Variants in NLRP5 observed in about 807,000 individuals in gnomAD.
NLRP5 encodes the protein NACHT, LRR and PYD domains-containing protein 5.
NLRP5 carries 93 observed loss-of-function variants against 113.1 expected under a neutral mutation model. The observed-to-expected ratio is 0.82, with a 90% CI of 0.70 to 0.98. The LOEUF (loss-of-function observed/expected upper bound fraction) is 0.98. Ranked by LOEUF, NLRP5 falls within the 50% of genes least tolerant of loss-of-function variation. The pLI is 0.00. For synonymous variants in NLRP5, 751 were observed against 600.7 expected (o/e 1.25, Z -3.66); for missense variants, 1,808 against 1,514.3 (o/e 1.19, Z -3.22).
intron 6 of NLRP5, among the ~76,000 whole-genome samples, chr19:56,024,420 GT>G (rs1555766885): frequency 1.2e-4 from 14 of 116,746 alleles, no homozygotes; most frequent in South Asian, 2.8e-4. Flanking sequence ...ATGTATATAT[GT>G]TATATATACA....
At chr19:56,025,705 C>A (rs114022312) in intron 6 of NLRP5, among the ~76,000 whole-genome samples, 9 of 152,112 alleles carry the variant, frequency 5.9e-5, no homozygotes, top group African/African-American at 2.2e-4. Context: ...CCAGCACATC[C>A]GGCCATTCCC....
the NLRP5 span, among the ~76,000 whole-genome samples, chr19:55,993,329 T>G: frequency 7.0e-6 from 1 of 143,242 alleles, no homozygotes; most frequent in African/African-American, 2.7e-5. Context: ...CTGCACCCAT[T>G]TCTCCCTTCT....
At chr19:56,055,620 A>C (rs1984111661) in intron 13 of NLRP5, among the ~76,000 whole-genome samples, 1 of 131,852 alleles carries the variant, frequency 7.6e-6, no homozygotes, top group South Asian at 2.4e-4. Context: ...ATCTCAGCTC[A>C]CTGCAAGCTC....
At chr19:56,005,303 ATATATT>A (rs1407511805) in intron 2 of NLRP5, among the ~76,000 whole-genome samples, 49 of 146,510 alleles carry the variant, frequency 3.3e-4, no homozygotes, top group African/African-American at 1.2e-3. Context: ...ATATACACAT[ATATATT>A]TATATATACA....
chr19:56,000,013 C>T (rs1214712447), intron 1 of NLRP5, among the ~76,000 whole-genome samples: 1 of 152,214 alleles, frequency 6.6e-6, no homozygotes, highest in African/African-American at 2.4e-5. Context: ...GGGACTGCCA[C>T]CTCCCCACTC....
chr19:56,000,360 TG>T (rs1255762489), intron 1 of NLRP5, among the ~76,000 whole-genome samples: 1 of 85,740 alleles, frequency 1.2e-5, no homozygotes, highest in Non-Finnish European at 2.5e-5. Context: ...TATCACCTCA[TG>T]TTTTTTTTTG....
At chr19:55,994,692 A>G in the NLRP5 span, among the ~76,000 whole-genome samples, 1 of 152,216 alleles carries the variant, frequency 6.6e-6, no homozygotes, top group Non-Finnish European at 1.5e-5. Flanking sequence ...CACTGTGCCC[A>G]GCCAGGTTGT....
intron 6 of NLRP5, among the ~76,000 whole-genome samples, chr19:56,024,537 A>G (rs1431009601): frequency 1.6e-5 from 2 of 126,850 alleles, no homozygotes; most frequent in Non-Finnish European, 3.4e-5. Flanking sequence ...ATACATATGT[A>G]TATGTATGTA....
rs771631091 is a variant in NLRP5 at position 56,058,353 on chromosome 19, G to A, written c.3413G>A (p.Gly1138Glu). 3.6e-5 allele frequency: 58 copies of A among 1,613,926 alleles called. No homozygotes were observed. Among genetic ancestry groups the A allele is most frequent in the Non-Finnish European group, 4.6e-5 (54 of 1,179,906 alleles). ...GTGCAGAATAACTTCAGTCCCAAAG[G>A]AATGATGAAGCTGTGTTCGGCCTTT... The change falls in exon 14 of 15, where the codon GGA becomes GAA. Residue 1138 changes from glycine to glutamate, a missense_variant. Coordinates refer to ENST00000390649, the MANE Select transcript of NLRP5 (RefSeq NM_153447.4).
At chr19:56,014,997 G>A (rs1029414034) in intron 3 of NLRP5, among the ~76,000 whole-genome samples, 3 of 152,126 alleles carry the variant, frequency 2.0e-5, no homozygotes, top group Non-Finnish European at 4.4e-5. Context: ...ATTAATGTTG[G>A]GTATATGACA....
At chr19:56,026,023 C>A (rs971024961) in intron 6 of NLRP5, among the ~76,000 whole-genome samples, 1 of 151,986 alleles carries the variant, frequency 6.6e-6, no homozygotes, top group African/African-American at 2.4e-5. Context: ...CCATCAGGTC[C>A]CCAGTGCAAA....
chr19:56,043,721 C>T (rs933809346), intron 11 of NLRP5, among the ~76,000 whole-genome samples: 9 of 151,386 alleles, frequency 5.9e-5, no homozygotes, highest in East Asian at 2.0e-4. Context: ...TACAGGCGCC[C>T]ACCACCACAC....
At chr19:55,995,229 G>C (rs1445933759), upstream of NLRP5, among the ~76,000 whole-genome samples, 1 of 152,092 alleles carries the variant, frequency 6.6e-6, no homozygotes, top group Non-Finnish European at 1.5e-5. Context: ...GGCTGGGGGA[G>C]GGATAGCATT....
chr19:55,998,059 C>G (rs1419001224), upstream of NLRP5, among the ~76,000 whole-genome samples: 1 of 152,186 alleles, frequency 6.6e-6, no homozygotes, highest in East Asian at 1.9e-4. Context: ...AGCATACACA[C>G]ACACAGAAAA....
intron 9 of NLRP5, 82 bp from the exon 10 acceptor site, chr19:56,037,943 G>A (rs762145029): frequency 5.8e-5 from 82 of 1,422,264 alleles, no homozygotes; most frequent in South Asian, 1.4e-4. Context: ...AACGGCCAGC[G>A]CTGCTGGCGT....
At chr19:56,033,955 A>G (rs1983217885) in intron 9 of NLRP5, among the ~76,000 whole-genome samples, 1 of 152,182 alleles carries the variant, frequency 6.6e-6, no homozygotes, top group Non-Finnish European at 1.5e-5. Flanking sequence ...GTTCATGCAG[A>G]GGCAAGGTCT....
intron 1 of NLRP5, among the ~76,000 whole-genome samples, chr19:56,002,132 A>G (rs1981678703): frequency 6.6e-6 from 1 of 152,238 alleles, no homozygotes; most frequent in Non-Finnish European, 1.5e-5. Context: ...GTTAGCAGGT[A>G]GGGATAGAAT....
intron 11 of NLRP5, among the ~76,000 whole-genome samples, chr19:56,047,907 T>C (rs1259626478): frequency 1.3e-5 from 2 of 152,216 alleles, no homozygotes; most frequent in Non-Finnish European, 2.9e-5. Flanking sequence ...GGACCTCCAG[T>C]GTTAGGCACA....
At chr19:56,033,766 A>G in intron 9 of NLRP5, 57 bp downstream of exon 9, 2 of 1,464,102 alleles carry the variant, frequency 1.4e-6, no homozygotes, top group Non-Finnish European at 9.3e-7. Flanking sequence ...TGTGTTTGAA[A>G]TGATTACATA....
Sources: gnomAD v4.1 joint callset for allele counts (sites outside exome capture counted in the v4.1 genomes callset) on GRCh38, gnomAD v4.1.1 for gene constraint, MANE v1.5 for transcripts, NCBI Gene and HGNC (gene_info 2026-07-23, HGNC 2026-07-21) for gene names.